Variants in DENND2B observed in about 807,000 individuals in gnomAD.
The protein encoded by DENND2B is DENN domain containing 2B.
In DENND2B, 32 loss-of-function variants were observed where a neutral mutation model predicts 116.0. The ratio of observed to expected loss-of-function variants is 0.28; its 90% confidence interval spans 0.21 to 0.37. DENND2B has a LOEUF of 0.37. Among genes scored for constraint, DENND2B ranks in the 10% least tolerant of loss-of-function variants. DENND2B has a pLI of 1.00. For missense variants in DENND2B, 1,276 were observed against 1,477.7 expected (o/e 0.86, Z 2.24); for synonymous variants, 588 against 583.9 (o/e 1.01, Z -0.10).
At chr11:8,881,266 T>G (rs2063901243) in intron 1 of DENND2B, among the ~76,000 whole-genome samples, 2 of 152,180 alleles carry the variant, frequency 1.3e-5, no homozygotes, top group African/African-American at 4.8e-5. Context: ...TTGTGGGCCT[T>G]TTTAATCTGG....
chr11:8,698,088 A>T, intron 16 of DENND2B: 1 of 241,708 alleles, frequency 4.1e-6, no homozygotes, highest in South Asian at 3.9e-5. Context: ...CTGCAGTGTC[A>T]TGACTGTACC....
intron 2 of DENND2B, among the ~76,000 whole-genome samples, chr11:8,735,986 G>T (rs558728722): frequency 2.6e-5 from 4 of 152,158 alleles, no homozygotes; most frequent in East Asian, 3.8e-4. Flanking sequence ...TCCCCTGTTG[G>T]ACAAGAGGAG....
At chr11:8,755,438 T>G (rs1377083890) in intron 1 of DENND2B, among the ~76,000 whole-genome samples, 2 of 152,210 alleles carry the variant, frequency 1.3e-5, no homozygotes, top group African/African-American at 4.8e-5. Context: ...TAATTTTAAC[T>G]TCGCATAAGC....
chr11:8,721,353 G>C (rs2046137897), intron 4 of DENND2B, among the ~76,000 whole-genome samples: 1 of 151,860 alleles, frequency 6.6e-6, no homozygotes, highest in African/African-American at 2.4e-5. Flanking sequence ...CACACATACA[G>C]CACTCCCCCA....
In DENND2B at chr11:8,707,454, C is replaced by A. The variant is rs1199301379; in HGVS notation, c.2431-229G>T. Among the ~76,000 whole-genome samples the A allele has an allele frequency of 1.3e-5, 2 of 152,252 alleles. No individual in the cohort carries two copies. The highest frequency in any genetic ancestry group is 4.8e-5 in the African/African-American group (2 of 41,470). ...GCTTCAGTCCCCAAGAGCGGAGTAG[C>A]TGGGCAAAGGAAATACCACCCAAGA... On this transcript the variant is annotated intron_variant, in intron 12 of 19. Transcript: ENST00000313726. The surrounding 1 kb of genome is among the most constrained non-coding windows in gnomAD (Gnocchi z 4.8).
chr11:8,870,264 A>G (rs533078856), intron 2 of DENND2B, among the ~76,000 whole-genome samples: 3 of 152,356 alleles, frequency 2.0e-5, no homozygotes, highest in South Asian at 2.1e-4. Flanking sequence ...GGAAAATGCA[A>G]TAAGCCCTCT....
intron 9 of DENND2B, 73 bp from the exon 10 acceptor site, chr11:8,711,304 C>T (rs1185772694): frequency 6.1e-6 from 8 of 1,304,772 alleles, no homozygotes; most frequent in Non-Finnish European, 3.3e-6. Context: ...AGCCCCTCCT[C>T]CCCTGAGGGC....
chr11:8,791,341 A>G (rs2059358375), intron 1 of DENND2B, among the ~76,000 whole-genome samples: 1 of 152,286 alleles, frequency 6.6e-6, no homozygotes, highest in African/African-American at 2.4e-5. Flanking sequence ...CATTAACAAA[A>G]GAAATCTGGT....
chr11:8,858,571 G>T (rs369488732), intron 2 of DENND2B, among the ~76,000 whole-genome samples: 4 of 152,174 alleles, frequency 2.6e-5, no homozygotes, highest in African/African-American at 9.7e-5. Context: ...GCAGATGGGA[G>T]AGCTGGGGCT....
At chr11:8,718,085 G>C in intron 4 of DENND2B, 193 bp from the exon 5 acceptor site, 1 of 322,948 alleles carries the variant, frequency 3.1e-6, no homozygotes, top group Non-Finnish European at 5.3e-6. Context: ...TCCAAGTCCA[G>C]AAGCAGACCC....
At chr11:8,718,333 C>G in intron 4 of DENND2B, 1 of 1,530,054 alleles carries the variant, frequency 6.5e-7, no homozygotes, top group Non-Finnish European at 8.8e-7. Context: ...TCACCCAACT[C>G]TCAGGGGATC....
chr11:8,740,314 C>A (rs1039829735), intron 2 of DENND2B, among the ~76,000 whole-genome samples: 3 of 152,156 alleles, frequency 2.0e-5, no homozygotes, highest in African/African-American at 7.2e-5. Context: ...CACTGTCTCA[C>A]AGGAACACGC....
At chr11:8,837,140 CA>C (rs576194189) in intron 4 of DENND2B, among the ~76,000 whole-genome samples, 12 of 146,502 alleles carry the variant, frequency 8.2e-5, no homozygotes, top group South Asian at 2.2e-4. Flanking sequence ...TTAACTGGAA[CA>C]AAAAAAAAAG....
intron 16 of DENND2B, chr11:8,697,852 G>A: frequency 1.7e-6 from 1 of 579,046 alleles, no homozygotes; most frequent in Admixed American, 2.7e-5. Context: ...TAGAGGGTCA[G>A]GCGCAGTGGC....
intron 1 of DENND2B, among the ~76,000 whole-genome samples, chr11:8,899,695 T>C (rs191921368): frequency 4.6e-5 from 7 of 152,246 alleles, no homozygotes; most frequent in Non-Finnish European, 1.0e-4. Context: ...TTACAAGAAA[T>C]ACTGAAGGAA....
At position 8,730,246 on chromosome 11, in the gene DENND2B, C is replaced by G. The variant is rs527287323; in HGVS notation, c.1044G>C (p.Ala348=). 1.2e-6 allele frequency: 2 copies of G among 1,611,118 alleles called. No homozygotes were observed. The highest frequency in any genetic ancestry group is 3.3e-5 in the Admixed American group (2 of 59,914). The change falls in exon 3 of 20, where the codon GCG becomes GCC. Residue 348 remains alanine (A), a synonymous_variant. Transcript: ENST00000313726. This position sits in a 1 kb window ranked among gnomAD's most constrained non-coding sequence, Gnocchi z 4.1. The part of the protein sequence containing the change: ...AVGVAGVAGE[A]GPPPEREGSG... ...TGCCTTCCCTCTCTGGGGGTGGGCC[C>G]GCCTCCCCCGCAACACCAGCCACTC...
chr11:8,711,087 T>C (rs1038932490), intron 10 of DENND2B, 35 bp downstream of exon 10: 50 of 1,604,266 alleles, frequency 3.1e-5, no homozygotes, highest in Non-Finnish European at 4.2e-5. Flanking sequence ...AAGAAGGCTA[T>C]GCTCCTTCCT....
At chr11:8,777,411 T>C (rs1292208846) in intron 1 of DENND2B, among the ~76,000 whole-genome samples, 2 of 152,246 alleles carry the variant, frequency 1.3e-5, no homozygotes, top group Non-Finnish European at 2.9e-5. Context: ...TTTTCATGTC[T>C]CACCCTCAGA....
At chr11:8,812,800 T>C (rs1427966779), upstream of DENND2B, among the ~76,000 whole-genome samples, 1 of 152,184 alleles carries the variant, frequency 6.6e-6, no homozygotes, top group Non-Finnish European at 1.5e-5. Flanking sequence ...CTAAGAACTT[T>C]ACTCCTCTTG....
Sources: gnomAD v4.1 joint callset for allele counts (sites outside exome capture counted in the v4.1 genomes callset) on GRCh38, gnomAD v4.1.1 for gene constraint, Gnocchi (gnomAD v3.1) non-coding constraint, MANE v1.5 for transcripts, NCBI Gene and HGNC (gene_info 2026-07-23, HGNC 2026-07-21) for gene names.